Variants in MACF1 observed in about 807,000 individuals in gnomAD.
MACF1 encodes the protein microtubule actin crosslinking factor 1.
MACF1 carries 193 observed loss-of-function variants against 854.8 expected under a neutral mutation model. The ratio of observed to expected loss-of-function variants is 0.23; its 90% CI spans 0.20 to 0.25. MACF1 has a LOEUF of 0.25. Ranked by LOEUF, MACF1 falls within the 10% of genes least tolerant of loss-of-function variation. The probability of loss-of-function intolerance (pLI) is 1.00; values close to 1 mark genes in which losing one functional copy is unlikely to be tolerated. For synonymous variants in MACF1, 3,185 were observed against 3,226.7 expected, an observed-to-expected ratio of 0.99 and a Z score of 0.44; for missense variants, 7,722 against 8,929.1, an observed-to-expected ratio of 0.86 and a Z score of 5.45.
At chr1:39,410,249 A>G (rs773175706) in intron 58 of MACF1, 2 of 1,541,478 alleles carry the variant, frequency 1.3e-6, no homozygotes, top group South Asian at 2.4e-5. Flanking sequence ...TTGATGGTTC[A>G]TCTTGATTGA....
intron 2 of MACF1, among the ~76,000 whole-genome samples, chr1:39,095,166 C>T (rs1641905329): frequency 6.6e-6 from 1 of 152,126 alleles, no homozygotes; most frequent in Non-Finnish European, 1.5e-5. Context: ...CCCAGCAAAG[C>T]CTGGCTGTTC....
intron 2 of MACF1, among the ~76,000 whole-genome samples, chr1:39,115,263 C>A (rs765203510): frequency 6.6e-6 from 1 of 152,090 alleles, no homozygotes; most frequent in African/African-American, 2.4e-5. Flanking sequence ...GAAGCTGTCA[C>A]AGGAATTTAG....
chr1:39,132,408 T>C (rs1643026017), intron 2 of MACF1, among the ~76,000 whole-genome samples: 1 of 152,196 alleles, frequency 6.6e-6, no homozygotes, highest in African/African-American at 2.4e-5. Context: ...AGTAGGAAGT[T>C]TGAGGAGCTG....
chr1:39,155,894 G>GTT (rs1251062150), intron 2 of MACF1, among the ~76,000 whole-genome samples: 1 of 130,908 alleles, frequency 7.6e-6, no homozygotes. Flanking sequence ...TAATTGTTTT[G>GTT]TTTTTTTTTT....
chr1:39,424,829 T>C (rs1467753575), intron 61 of MACF1, among the ~76,000 whole-genome samples: 1 of 152,244 alleles, frequency 6.6e-6, no homozygotes, highest in Non-Finnish European at 1.5e-5. Context: ...GTTTTAAAAT[T>C]AAATACCAGC....
In MACF1 at chr1:39,462,054, T is replaced by C. The variant is rs368453569; in HGVS notation, c.21678+17T>C. On this transcript the variant is annotated intron_variant, in intron 93 of 100. Transcript: ENST00000564288. Reference sequence around the variant, plus strand: ...GAAGATGAGGTAAGGGAAATAATTATATTTTGAGTACACTTCTGGCTGTAG... The same window carrying C: ...GAAGATGAGGTAAGGGAAATAATTACATTTTGAGTACACTTCTGGCTGTAG... The C allele has an allele frequency of 1.4e-5, 23 of 1,612,606 alleles. No homozygotes were observed. In the South Asian group the frequency reaches 1.5e-4, roughly 11 times the overall value.
chr1:39,162,919 C>T (rs1643830484), intron 2 of MACF1, among the ~76,000 whole-genome samples: 1 of 152,030 alleles, frequency 6.6e-6, no homozygotes, highest in Non-Finnish European at 1.5e-5. Flanking sequence ...TTGAACTAAA[C>T]TCATATATTT....
At chr1:39,219,512 C>T (rs1296776205) in intron 1 of MACF1, among the ~76,000 whole-genome samples, 1 of 152,216 alleles carries the variant, frequency 6.6e-6, no homozygotes, top group Admixed American at 6.5e-5. Flanking sequence ...TCCACCTTAT[C>T]TCCCAAAGTA....
At position 39,387,783 on chromosome 1, in the gene MACF1, C is replaced by T. The variant is rs766474090; in HGVS notation, c.14941C>T (p.Arg4981Trp). 21 of 1,613,888 alleles carry T rather than the reference C, an allele frequency of 1.3e-5. No homozygotes were observed. Among genetic ancestry groups the T allele is most frequent in the African/African-American group, 4.0e-5 (3 of 74,850 alleles). ...TTCAGAAGCAGATGAGGATGGAATC[C>T]GGGATGAGAAGGCTGGGATCAACCA... is the stretch of plus-strand genomic sequence containing the variant. ...NSSEADEDGI[R>W]DEKAGINQNM... Residue 4981 changes from arginine (R) to tryptophan (W), a missense_variant, in exon 58 of 101, where the codon CGG (arginine) becomes TGG (tryptophan). Arg to Trp is a moderately radical substitution (Grantham distance 101, BLOSUM62 -3). Around this residue, in one of 15 missense-constraint regions of MACF1, gnomAD observed 2,807 missense variants for 3,235.8 expected, o/e 0.87. Transcript: ENST00000564288.
intron 58 of MACF1, chr1:39,413,895 C>A (rs1303935782): frequency 6.2e-7 from 1 of 1,609,150 alleles, no homozygotes; most frequent in South Asian, 1.1e-5. Context: ...CTATGGTGGC[C>A]ACCCTAGAGG....
At position 39,322,643 on chromosome 1, in the gene MACF1, T is replaced by C; in HGVS notation, c.4065T>C (p.Phe1355=). Residue 1355 remains phenylalanine (F), a synonymous_variant, in exon 32 of 101, where the codon TTT becomes TTC. Coordinates refer to ENST00000564288, the MANE Select transcript of MACF1 (RefSeq NM_001394062.1). The stretch of plus-strand genomic sequence containing the variant: ...TGCAACTGATGACATACAAGGCCTT[T>C]GTGGAATCGCAGCAGAAATCCCCTG... The part of the protein sequence containing the change: ...YELQLMTYKA[F]VESQQKSPGK... The C allele has an allele frequency of 6.2e-7, 1 of 1,614,056 alleles. No individual in the cohort carries two copies. Among genetic ancestry groups the C allele is most frequent in the Non-Finnish European group, 8.5e-7 (1 of 1,179,960 alleles).
In MACF1 at chr1:39,331,890, G is replaced by A. The variant is rs905612487; in HGVS notation, c.5302G>A (p.Ala1768Thr). 32 of 1,613,998 alleles carry A rather than the reference G, an allele frequency of 2.0e-5. No homozygotes were observed. Among genetic ancestry groups the A allele is most frequent in the Non-Finnish European group, 2.6e-5 (31 of 1,180,026 alleles). ...GCAGGTCACTGTCCGGTTGCTGGAA[G>A]CTCAGCTTTTTGCTGGTGGCATAGT... is the stretch of plus-strand genomic sequence containing the variant. Reference protein sequence around the residue: ...DRQVTVRLLEAQLFAGGIVDP... With the variant: ...DRQVTVRLLETQLFAGGIVDP... Residue 1768 changes from alanine to threonine, a missense_variant, in exon 37 of 101, where the codon GCT becomes ACT. Transcript: ENST00000564288.
Position 39,204,806 on chromosome 1 carries a change from T to TA in MACF1, c.-216dup, listed in dbSNP as rs1462238163. The stretch of plus-strand genomic sequence containing the variant: ...GTTGTTTCCTGGGCTTTGTCTGAGA[T>TA]ACACTGTACAGTTTTAGTCCCAGTC... On this transcript the variant is annotated 5_prime_UTR_variant, in exon 1 of 101. Transcript: ENST00000564288. 1.7e-5 allele frequency: 9 copies of TA among 527,370 alleles called. No individual in the cohort carries two copies. The highest frequency in any genetic ancestry group is 3.2e-5 in the Admixed American group (1 of 30,996). 32.7% of individuals were successfully genotyped at this position (527,370 alleles called of 1,614,324 possible).
rs371553978 is a variant in MACF1, at chr1:39,485,681, G to A, written c.22555G>A (p.Ala7519Thr). ...SACSDTSESS[A>T]AGGQGNSRRG... ...TTGTTCCGACACTTCAGAAAGCAGC[G>A]CTGCAGGGGGCCAAGGCAACTCCAG... The change falls in exon 101 of 101, where the codon GCT becomes ACT. Residue 7519 changes from alanine to threonine, a missense_variant. Transcript: ENST00000564288. 1.1e-5 allele frequency: 17 copies of A among 1,613,908 alleles called. No individual in the cohort carries two copies. Among genetic ancestry groups the A allele is most frequent in the East Asian group, 2.2e-5 (1 of 44,874 alleles).
At chr1:39,394,185 G>T (rs1178222705) in intron 58 of MACF1, among the ~76,000 whole-genome samples, 1 of 152,180 alleles carries the variant, frequency 6.6e-6, no homozygotes, top group Non-Finnish European at 1.5e-5. Flanking sequence ...TCTACCGGGG[G>T]ACCTAGGTAT....
chr1:39,139,961 T>A lies in MACF1; in HGVS notation c.220+55523T>A, dbSNP rs9438999. 2.6e-4 allele frequency among the ~76,000 whole-genome samples: 33 copies of A among 125,050 alleles called. No individual in the cohort carries two copies. In the East Asian group the frequency reaches 3.9e-3, roughly 15 times the overall value. The allele number at this position is 125,050 out of a possible 152,430, so 82.0% of individuals were successfully genotyped here. ...AGAACTAAATCTTTTTTTTTTTTTT[T>A]AATTTTTTTTAGAGACAAGGTCTTG... On this transcript the variant is annotated intron_variant, in intron 2 of 93. Transcript: ENST00000361689.
chr1:39,133,787 C>G (rs1278622305), intron 2 of MACF1, among the ~76,000 whole-genome samples: 1 of 152,146 alleles, frequency 6.6e-6, no homozygotes, highest in African/African-American at 2.4e-5. Context: ...TACAATACAT[C>G]TCCAGAACTT....
intron 71 of MACF1, among the ~76,000 whole-genome samples, 190 bp from the exon 72 acceptor site, chr1:39,439,084 C>CAA (rs760415601): frequency 1.8e-4 from 15 of 84,844 alleles, no homozygotes; most frequent in African/African-American, 5.3e-4. Context: ...ACTCTGTCTC[C>CAA]AAAAAAAAAA....
chr1:39,166,267 C>T (rs976686418), intron 2 of MACF1, among the ~76,000 whole-genome samples: 1 of 151,850 alleles, frequency 6.6e-6, no homozygotes, highest in East Asian at 1.9e-4. Flanking sequence ...GGGGTTTCAC[C>T]GTGTTCCCCA....
Sources: gnomAD v4.1 joint callset for allele counts (sites outside exome capture counted in the v4.1 genomes callset) on GRCh38, gnomAD v4.1.1 for gene constraint, gnomAD v4.1.1 regional missense constraint, MANE v1.5 for transcripts, NCBI Gene and HGNC (gene_info 2026-07-23, HGNC 2026-07-21) for gene names.